Variants in CNTN4 observed in about 807,000 individuals in gnomAD.
The protein encoded by CNTN4 is contactin-4.
CNTN4 carries 77 observed loss-of-function variants against 122.5 expected under a neutral mutation model. That is an observed-to-expected ratio of 0.63 (90% CI 0.52 to 0.76). CNTN4 has a LOEUF of 0.76. Ranked by LOEUF, CNTN4 falls within the 30% of genes least tolerant of loss-of-function variation. The pLI is 0.00. For missense variants in CNTN4, 1,256 were observed against 1,259.1 expected (o/e 1.00, Z 0.04); for synonymous variants, 512 against 447.0 (o/e 1.15, Z -1.83).
chr3:2,177,656 T>TTGTGTGTGTGTGTG (rs60145608), intron 2 of CNTN4, among the ~76,000 whole-genome samples: 5 of 147,548 alleles, frequency 3.4e-5, no homozygotes, highest in African/African-American at 1.0e-4. Flanking sequence ...GTGTGTGTGT[T>TTGTGTGTGTGTGTG]TGTGTGTGTG....
At chr3:2,927,309 G>C in intron 13 of CNTN4, 1 of 455,996 alleles carries the variant, frequency 2.2e-6, no homozygotes, top group Non-Finnish European at 4.4e-6. Context: ...GTACATCAGG[G>C]GTTTGGTAGT....
At chr3:2,995,648 A>G (rs1044682361) in intron 14 of CNTN4, among the ~76,000 whole-genome samples, 1 of 152,200 alleles carries the variant, frequency 6.6e-6, no homozygotes, top group Non-Finnish European at 1.5e-5. Flanking sequence ...TGGTAACATC[A>G]CCTCATTAAT....
chr3:2,197,636 T>G (rs2149371233), intron 2 of CNTN4, among the ~76,000 whole-genome samples: 1 of 152,272 alleles, frequency 6.6e-6, no homozygotes, highest in South Asian at 2.1e-4. Flanking sequence ...TGGCATAAAT[T>G]TTCTGCTTTC....
chr3:2,281,795 G>T (rs990527419), intron 2 of CNTN4, among the ~76,000 whole-genome samples: 1 of 152,066 alleles, frequency 6.6e-6, no homozygotes, highest in African/African-American at 2.4e-5. Context: ...TTATTTCTCT[G>T]CTCGTCTAGC....
intron 4 of CNTN4, among the ~76,000 whole-genome samples, chr3:2,629,926 G>A (rs1484796506): frequency 1.3e-5 from 2 of 152,212 alleles, no homozygotes; most frequent in East Asian, 1.9e-4. Flanking sequence ...TATGTTTCTC[G>A]TTAATATAAC....
intron 13 of CNTN4, among the ~76,000 whole-genome samples, chr3:2,966,302 A>C (rs920246644): frequency 2.6e-5 from 4 of 152,132 alleles, no homozygotes; most frequent in Non-Finnish European, 4.4e-5. Flanking sequence ...TTTTTGGAGG[A>C]CTAGTGGATA....
chr3:2,588,665 A>G (rs1363715830), intron 4 of CNTN4, among the ~76,000 whole-genome samples: 4 of 151,930 alleles, frequency 2.6e-5, no homozygotes, highest in Non-Finnish European at 4.4e-5. Context: ...ACGCCTGGCC[A>G]TGAGTTAGTA....
intron 4 of CNTN4, among the ~76,000 whole-genome samples, chr3:2,653,926 G>A (rs2083468488): frequency 6.6e-6 from 1 of 152,154 alleles, no homozygotes. Context: ...GGTTCCATAA[G>A]GCCAACTAGC....
chr3:2,748,231 C>T (rs926102638), intron 6 of CNTN4, among the ~76,000 whole-genome samples: 3 of 152,122 alleles, frequency 2.0e-5, no homozygotes, highest in Admixed American at 2.0e-4. Context: ...CCCCAGATTG[C>T]AACTTTATTT....
chr3:2,598,430 C>G (rs1263252720), intron 4 of CNTN4, among the ~76,000 whole-genome samples: 1 of 152,106 alleles, frequency 6.6e-6, no homozygotes, highest in Non-Finnish European at 1.5e-5. Flanking sequence ...CTCTCCCTCT[C>G]AATATTCTAA....
chr3:2,986,131 T>G (rs1694551688), intron 13 of CNTN4, among the ~76,000 whole-genome samples: 1 of 151,918 alleles, frequency 6.6e-6, no homozygotes, highest in African/African-American at 2.4e-5. Flanking sequence ...CCCAGACTGG[T>G]CTCAAACTCC....
At chr3:2,173,515 G>T (rs977800869) in intron 2 of CNTN4, among the ~76,000 whole-genome samples, 1 of 152,088 alleles carries the variant, frequency 6.6e-6, no homozygotes, top group Admixed American at 6.6e-5. Flanking sequence ...TTTATCTTGG[G>T]CAGAGCTTTT....
intron 3 of CNTN4, among the ~76,000 whole-genome samples, chr3:2,494,306 G>A (rs1196360665): frequency 6.6e-6 from 1 of 152,132 alleles, no homozygotes; most frequent in Non-Finnish European, 1.5e-5. Flanking sequence ...TACATGTAAG[G>A]TATACTTTGG....
intron 4 of CNTN4, among the ~76,000 whole-genome samples, chr3:2,594,850 T>A (rs1344270570): frequency 6.6e-6 from 1 of 152,236 alleles, no homozygotes; most frequent in Non-Finnish European, 1.5e-5. Context: ...TAGTTTTTTC[T>A]TATTCATTTT....
intron 6 of CNTN4, among the ~76,000 whole-genome samples, chr3:2,757,798 G>A (rs1222358062): frequency 2.0e-5 from 3 of 152,270 alleles, no homozygotes; most frequent in Middle Eastern, 3.4e-3. Context: ...AAAGATGTGT[G>A]TGTTTCCCAA....
chr3:2,180,524 C>A (rs958735046), intron 2 of CNTN4, among the ~76,000 whole-genome samples: 1 of 151,900 alleles, frequency 6.6e-6, no homozygotes. Context: ...ATTTTACTTC[C>A]CTGAATACTG....
chr3:2,834,617 C>T (rs2093175781), intron 7 of CNTN4, among the ~76,000 whole-genome samples: 2 of 151,956 alleles, frequency 1.3e-5, no homozygotes, highest in African/African-American at 4.8e-5. Context: ...TCTATTTAAC[C>T]AGAGACTCAA....
At chr3:3,026,355 A>C (rs536450124) in intron 15 of CNTN4, 78 bp downstream of exon 15, 2 of 1,305,438 alleles carry the variant, frequency 1.5e-6, no homozygotes, top group East Asian at 4.9e-5. Context: ...TTACTATTTT[A>C]GAATTTTGTT....
At chr3:2,702,053 G>A (rs950991006) in intron 4 of CNTN4, among the ~76,000 whole-genome samples, 18 of 152,162 alleles carry the variant, frequency 1.2e-4, no homozygotes, top group African/African-American at 4.1e-4. Context: ...GCATTCTCAG[G>A]AAAACCTGGC....
Sources: gnomAD v4.1 joint callset for allele counts (sites outside exome capture counted in the v4.1 genomes callset) on GRCh38, gnomAD v4.1.1 for gene constraint, MANE v1.5 for transcripts, NCBI Gene and HGNC (gene_info 2026-07-23, HGNC 2026-07-21) for gene names.